The following MICAL2 variants were observed in gnomAD, a reference collection of about 807,000 sequenced individuals.
MICAL2 encodes the protein [F-actin]-monooxygenase MICAL2.
In MICAL2, 77 loss-of-function variants were observed where a neutral mutation model predicts 127.3. The observed-to-expected ratio is 0.60, with a 90% confidence interval of 0.50 to 0.73. MICAL2 has a LOEUF of 0.73. Among genes scored for constraint, MICAL2 ranks in the 30% least tolerant of loss-of-function variants. The pLI is 0.00. For missense variants in MICAL2, 1,351 were observed against 1,434.4 expected (o/e 0.94, Z 0.94); for synonymous variants, 570 against 551.1 (o/e 1.03, Z -0.48).
chr11:12,226,318 G>C lies in MICAL2; in HGVS notation c.1836G>C (p.Met612Ile), dbSNP rs755180717. The C allele has an allele frequency of 4.3e-6, 7 of 1,614,094 alleles. No homozygotes were observed. The African/African-American group carries it at 9.3e-5, about 22-fold the overall frequency. Reference protein sequence around the residue: ...AQEPDKLSMVMYLSKFYELFR... With the variant: ...AQEPDKLSMVIYLSKFYELFR... ...AGCCTGACAAGCTCAGCATGGTCAT[G>C]TACCTCTCCAAGTTCTACGAGCTCT... Residue 612 changes from methionine to isoleucine, a missense_variant, in exon 14 of 28, where the codon ATG (methionine) becomes ATC (isoleucine). Physicochemically the swap from Met to Ile is conservative, Grantham distance 10. Around this residue, in one of 2 missense-constraint regions of MICAL2, gnomAD observed 752 missense variants for 719.4 expected, o/e 1.05. Transcript: ENST00000683283.
At chr11:12,188,893 G>A (rs183515346) in intron 3 of MICAL2, among the ~76,000 whole-genome samples, 39 of 152,050 alleles carry the variant, frequency 2.6e-4, no homozygotes, top group Non-Finnish European at 3.4e-4. Context: ...GTCACTATGC[G>A]GACTCTCTGG....
chr11:12,274,022 G>A (rs1863699466), upstream of MICAL2, among the ~76,000 whole-genome samples: 1 of 152,140 alleles, frequency 6.6e-6, no homozygotes, highest in South Asian at 2.1e-4. Flanking sequence ...GAAAGAGTAG[G>A]CTGGGGGCTG....
At chr11:12,219,410 G>A (rs1856552625) in intron 8 of MICAL2, among the ~76,000 whole-genome samples, 1 of 150,974 alleles carries the variant, frequency 6.6e-6, no homozygotes, top group Non-Finnish European at 1.5e-5. Context: ...AGCACCAAAA[G>A]CAAGCTACTG....
chr11:12,280,824 C>A (rs1863762861), intron 1 of MICAL2: 1 of 397,554 alleles, frequency 2.5e-6, no homozygotes, highest in Non-Finnish European at 4.4e-6. Flanking sequence ...GGACTAAGCC[C>A]AGGCCCCCCA....
At chr11:12,128,429 T>C (rs1348407453) in intron 1 of MICAL2, among the ~76,000 whole-genome samples, 5 of 152,236 alleles carry the variant, frequency 3.3e-5, no homozygotes. Context: ...GACTAAGACT[T>C]GACAAGGTCA....
In MICAL2 at chr11:12,341,519, T is replaced by C. The variant is rs1172601995; in HGVS notation, c.5516-8319T>C. Among the ~76,000 whole-genome samples, 4 of 152,162 alleles carry C rather than the reference T, an allele frequency of 2.6e-5. No individual in the cohort carries two copies. The East Asian group carries it at 7.7e-4, about 29-fold the overall frequency. ...TAAATAGATCGTTTTTTTTCTCTAC[T>C]ACTATCTATTCCAAAAAATGTTATT... On this transcript the variant is annotated intron_variant, in intron 32 of 34. Coordinates refer to the MICAL2 transcript ENST00000646065.
chr11:12,294,517 A>C (rs1364031394), downstream of MICAL2: 5 of 1,614,000 alleles, frequency 3.1e-6, no homozygotes, highest in East Asian at 2.2e-5. Context: ...TTAGGTCCCC[A>C]CCCTGCAGCA....
intron 31 of MICAL2, among the ~76,000 whole-genome samples, chr11:12,325,664 T>C (rs1864346426): frequency 6.6e-6 from 1 of 152,154 alleles, no homozygotes; most frequent in Non-Finnish European, 1.5e-5. Flanking sequence ...ATATCTCTGG[T>C]GTCTTTTCCT....
chr11:12,324,115 A>G (rs1383813294), intron 31 of MICAL2: 1 of 1,580,342 alleles, frequency 6.3e-7, no homozygotes, highest in Admixed American at 2.0e-5. Flanking sequence ...TGGGTCCAGG[A>G]TCCTGGGACT....
chr11:12,307,542 A>G (rs910368742), intron 29 of MICAL2, among the ~76,000 whole-genome samples: 2 of 152,192 alleles, frequency 1.3e-5, no homozygotes, highest in African/African-American at 2.4e-5. Context: ...CAAAAGTTTT[A>G]TAGTTTCTAG....
At chr11:12,335,609 C>T (rs1354155901) in intron 32 of MICAL2, among the ~76,000 whole-genome samples, 1 of 152,086 alleles carries the variant, frequency 6.6e-6, no homozygotes, top group Non-Finnish European at 1.5e-5. Context: ...AGTCTTTAAT[C>T]CATCTTGAAT....
downstream of MICAL2, among the ~76,000 whole-genome samples, chr11:12,264,285 A>T (rs1240628670): frequency 6.6e-6 from 1 of 152,164 alleles, no homozygotes; most frequent in Admixed American, 6.5e-5. Flanking sequence ...TTAGGATGGC[A>T]ATGAAGTTGG....
At chr11:12,197,982 G>A (rs1367823939) in intron 3 of MICAL2, among the ~76,000 whole-genome samples, 1 of 152,160 alleles carries the variant, frequency 6.6e-6, no homozygotes, top group African/African-American at 2.4e-5. Flanking sequence ...TGTTACTCAG[G>A]AATAACTGGA....
chr11:12,337,118 C>T (rs1938777857), intron 32 of MICAL2, among the ~76,000 whole-genome samples: 1 of 152,140 alleles, frequency 6.6e-6, no homozygotes, highest in African/African-American at 2.4e-5. Flanking sequence ...TTAATTATTG[C>T]CTCAATTTCA....
intron 24 of MICAL2, among the ~76,000 whole-genome samples, chr11:12,257,959 T>C (rs1862550202): frequency 6.6e-6 from 1 of 152,194 alleles, no homozygotes; most frequent in South Asian, 2.1e-4. Context: ...CGCCAGGTAT[T>C]CCACAAAGAA....
chr11:12,335,092 C>T lies in MICAL2; in HGVS notation c.5515+7826C>T, dbSNP rs367785691. 1.4e-4 allele frequency among the ~76,000 whole-genome samples: 21 copies of T among 150,502 alleles called. No individual in the cohort carries two copies. In the East Asian group the frequency reaches 3.4e-3, roughly 24 times the overall value. ...CAACAGTGTAAAAGTGTTCCTATTTCTCCACATCCTCTCCAGCACCTGTTT... is the reference window on the plus strand; with the variant it reads ...CAACAGTGTAAAAGTGTTCCTATTTTTCCACATCCTCTCCAGCACCTGTTT... On this transcript the variant is annotated intron_variant, in intron 32 of 34. Coordinates refer to the MICAL2 transcript ENST00000646065.
chr11:12,300,524 T>C (rs1018910893), intron 29 of MICAL2, among the ~76,000 whole-genome samples: 5 of 152,126 alleles, frequency 3.3e-5, no homozygotes, highest in Non-Finnish European at 7.4e-5. Flanking sequence ...GAGAGAGACA[T>C]GGTCCTCCTG....
At chr11:12,261,056 G>T in intron 26 of MICAL2, 1 of 985,574 alleles carries the variant, frequency 1.0e-6, no homozygotes, top group South Asian at 4.7e-5. Context: ...TGCAGGCTGA[G>T]CCAAGGCTGT....
chr11:12,212,264 T>G (rs546574819), intron 6 of MICAL2, among the ~76,000 whole-genome samples: 1 of 152,130 alleles, frequency 6.6e-6, no homozygotes, highest in South Asian at 2.1e-4. Flanking sequence ...AAACAAGAAT[T>G]AGAGCACTAA....
Sources: allele counts gnomAD v4.1 joint callset (sites outside exome capture counted in the v4.1 genomes callset), GRCh38; gene constraint gnomAD v4.1.1; regional missense constraint gnomAD v4.1.1; transcripts MANE v1.5; gene names NCBI Gene and HGNC (gene_info 2026-07-23, HGNC 2026-07-21).